NUDCD1: variants seen among roughly 807,000 people sequenced by gnomAD.
The protein encoded by NUDCD1 is NudC domain containing 1.
A neutral mutation model predicts 67.8 loss-of-function variants in NUDCD1; 60 were observed. The observed-to-expected ratio is 0.88, with a 90% CI of 0.72 to 1.10. NUDCD1 has a LOEUF of 1.10. NUDCD1 is among the 50% of genes least tolerant of loss of function. The pLI is 0.00. For synonymous variants in NUDCD1, 244 were observed against 230.8 expected (o/e 1.06, Z -0.52); for missense variants, 643 against 695.0 (o/e 0.93, Z 0.84).
At chr8:109,269,629 T>C (rs892194602) in intron 8 of NUDCD1, among the ~76,000 whole-genome samples, 16 of 152,094 alleles carry the variant, frequency 1.1e-4, no homozygotes, top group Admixed American at 2.6e-4. Context: ...CAGGGCACAC[T>C]TGGCAGACAT....
chr8:109,332,935 G>A (rs998661195), intron 1 of NUDCD1, among the ~76,000 whole-genome samples: 4 of 152,016 alleles, frequency 2.6e-5, no homozygotes, highest in African/African-American at 9.7e-5. Context: ...TACTACCATT[G>A]TATTTTGTAC....
At chr8:109,249,847 CTTTT>C (rs35856577) in intron 8 of NUDCD1, among the ~76,000 whole-genome samples, 4 of 133,918 alleles carry the variant, frequency 3.0e-5, no homozygotes, top group African/African-American at 2.8e-5. Flanking sequence ...TTGTTGAATT[CTTTT>C]TTTTTTTTTT....
intron 1 of NUDCD1, among the ~76,000 whole-genome samples, chr8:109,326,700 C>T (rs1815689342): frequency 6.6e-6 from 1 of 152,114 alleles, no homozygotes; most frequent in Admixed American, 6.5e-5. Flanking sequence ...TAACATTTGC[C>T]CAAATACTTA....
At chr8:109,282,272 G>A (rs1814461942) in intron 5 of NUDCD1, among the ~76,000 whole-genome samples, 1 of 152,052 alleles carries the variant, frequency 6.6e-6, no homozygotes, top group Non-Finnish European at 1.5e-5. Flanking sequence ...CAGTAAACAA[G>A]GATTAAGTAT....
At chr8:109,244,312 T>G (rs1396315715) in intron 9 of NUDCD1, among the ~76,000 whole-genome samples, 2 of 152,084 alleles carry the variant, frequency 1.3e-5, no homozygotes, top group African/African-American at 2.4e-5. Flanking sequence ...ATATGTTGAT[T>G]TAACTTAGAA....
chr8:109,293,031 T>C (rs980736838), intron 4 of NUDCD1, among the ~76,000 whole-genome samples: 1 of 152,050 alleles, frequency 6.6e-6, no homozygotes. Context: ...TGTTTCTGTG[T>C]ATCACACATA....
chr8:109,264,644 T>A (rs1354074326), intron 8 of NUDCD1, among the ~76,000 whole-genome samples: 1 of 152,158 alleles, frequency 6.6e-6, no homozygotes, highest in East Asian at 1.9e-4. Context: ...TTTGGTGTAA[T>A]ATCAAAGGAA....
chr8:109,287,716 A>C (rs1247887285), intron 5 of NUDCD1, among the ~76,000 whole-genome samples: 2 of 152,102 alleles, frequency 1.3e-5, no homozygotes, highest in Non-Finnish European at 2.9e-5. Flanking sequence ...TCGTACTCCA[A>C]ATCTAAGCAC....
rs754502113 is a variant in NUDCD1 at position 109,334,030 on chromosome 8, G to T, written c.-20C>A. 2 of 1,613,990 alleles carry T rather than the reference G, an allele frequency of 1.2e-6. No individual in the cohort carries two copies. The highest frequency in any genetic ancestry group is 4.5e-5 in the East Asian group (2 of 44,866). ...CTCCATCGCTTTCCAGGGCCGCAGC[G>T]TGAGAATTAATAAAGCCCTTGTTGA... On this transcript the variant is annotated 5_prime_UTR_variant, in exon 1 of 10. Transcript: ENST00000239690.
chr8:109,311,559 G>GTGTATATATATATATATATATATATATA lies in NUDCD1; in HGVS notation c.273+10749_273+10750insTATATATATATATATATATATATATACA. Among the ~76,000 whole-genome samples, 35 of 125,128 alleles carry GTGTATATATATATATATATATATATATA rather than the reference G, an allele frequency of 2.8e-4. 1 individual carries two copies. The highest frequency in any genetic ancestry group is 5.3e-4 in the Admixed American group (7 of 13,264). The allele number at this position is 125,128 out of a possible 152,430, so 82.1% of individuals were successfully genotyped here. On this transcript the variant is annotated intron_variant, in intron 2 of 9. Transcript: ENST00000239690. ...AATGAGTGGATAAAGAAACTGTGGTGTATATATATATATGATGGGATACTG... is the reference window on the plus strand; with the variant it reads ...AATGAGTGGATAAAGAAACTGTGGTGTGTATATATATATATATATATATATATATATATATATATATGATGGGATACTG...
intron 2 of NUDCD1, among the ~76,000 whole-genome samples, chr8:109,307,178 GCCCTA>G (rs1236208642): frequency 6.6e-6 from 1 of 152,154 alleles, no homozygotes; most frequent in African/African-American, 2.4e-5. Context: ...ATTTGTTCCT[GCCCTA>G]CCCTAACTGA....
At chr8:109,245,882 T>G (rs1002385009) in intron 8 of NUDCD1, among the ~76,000 whole-genome samples, 3 of 152,186 alleles carry the variant, frequency 2.0e-5, no homozygotes, top group Non-Finnish European at 4.4e-5. Flanking sequence ...TTTTAGGAAC[T>G]GGGCCGCACA....
chr8:109,283,369 T>C (rs1484790360), intron 5 of NUDCD1, among the ~76,000 whole-genome samples: 1 of 152,164 alleles, frequency 6.6e-6, no homozygotes, highest in Non-Finnish European at 1.5e-5. Context: ...AAAAACATGT[T>C]TGAGGGAATA....
intron 2 of NUDCD1, among the ~76,000 whole-genome samples, chr8:109,308,051 C>T (rs1815153575): frequency 1.3e-5 from 2 of 152,056 alleles, no homozygotes; most frequent in African/African-American, 4.8e-5. Context: ...CCACTAACAG[C>T]CCTACACAGG....
Position 109,242,199 on chromosome 8 carries a change from T to C in NUDCD1, c.*810A>G, listed in dbSNP as rs1156401300. On this transcript the variant is annotated 3_prime_UTR_variant, in exon 10 of 10. Transcript: ENST00000239690. ...TTGTCCAATGGAACATTAGTAAATA[T>C]GATAGATGTACAGGATCGATAAGCT... The C allele has an allele frequency of 5.0e-6, 2 of 397,614 alleles. No homozygotes were observed. The highest frequency in any genetic ancestry group is 4.4e-5 in the Admixed American group (1 of 22,694). The allele number at this position is 397,614 out of a possible 1,614,324, so 24.6% of individuals were successfully genotyped here.
Position 109,295,884 on chromosome 8 carries a change from T to C in NUDCD1, c.459+500A>G, listed in dbSNP as rs966003902. Among the ~76,000 whole-genome samples, 3 of 152,182 alleles carry C rather than the reference T, an allele frequency of 2.0e-5. No individual in the cohort carries two copies. The South Asian group carries it at 6.2e-4, about 31-fold the overall frequency. On this transcript the variant is annotated intron_variant, in intron 3 of 9. Coordinates refer to ENST00000239690, the MANE Select transcript of NUDCD1 (RefSeq NM_032869.4). ...AACCCTAAACTACCCTTTAGATTTA[T>C]ATCTAATTTTTAAAATTAAAGTAAA...
At chr8:109,285,944 TAA>T (rs1377906799) in intron 5 of NUDCD1, among the ~76,000 whole-genome samples, 1 of 152,090 alleles carries the variant, frequency 6.6e-6, no homozygotes, top group African/African-American at 2.4e-5. Context: ...ATGGCTTCAG[TAA>T]AGTTTCAGAA....
chr8:109,310,143 A>C (rs903595224), intron 2 of NUDCD1, among the ~76,000 whole-genome samples: 1 of 152,182 alleles, frequency 6.6e-6, no homozygotes, highest in Non-Finnish European at 1.5e-5. Context: ...GTAACCAAAA[A>C]ACAGCCCGCA....
intron 1 of NUDCD1, among the ~76,000 whole-genome samples, chr8:109,330,086 A>T (rs1586317675): frequency 6.6e-6 from 1 of 152,290 alleles, no homozygotes; most frequent in South Asian, 2.1e-4. Flanking sequence ...ATAAAAACAT[A>T]TAAAAAGACT....
Sources: allele counts gnomAD v4.1 joint callset (sites outside exome capture counted in the v4.1 genomes callset), GRCh38; gene constraint gnomAD v4.1.1; transcripts MANE v1.5; gene names NCBI Gene and HGNC (gene_info 2026-07-23, HGNC 2026-07-21).